ECI1: variants seen among roughly 807,000 people sequenced by gnomAD.
ECI1 encodes the protein enoyl-CoA delta isomerase 1, also known as enoyl-CoA delta isomerase 1, mitochondrial.
Under a neutral mutation model 34.2 loss-of-function variants are expected in ECI1, and 34 were observed. That is an observed-to-expected ratio of 1.00 (90% confidence interval 0.76 to 1.33). ECI1 has a LOEUF of 1.33. Among genes scored for constraint, ECI1 ranks in the 40% most tolerant of loss-of-function variants. ECI1 has a pLI of 0.00. For synonymous variants in ECI1, 211 were observed against 193.0 expected (o/e 1.09, Z -0.77); for missense variants, 456 against 422.2 (o/e 1.08, Z -0.70).
intron 4 of ECI1, 56 bp from the exon 5 acceptor site, chr16:2,243,495 A>T: frequency 6.2e-7 from 1 of 1,601,234 alleles, no homozygotes. Flanking sequence ...ACCACATTCC[A>T]GAGGGCCAGG....
intron 2 of ECI1, among the ~76,000 whole-genome samples, chr16:2,250,245 A>G (rs1156257284): frequency 8.2e-6 from 1 of 122,292 alleles, no homozygotes; most frequent in Non-Finnish European, 1.6e-5. Flanking sequence ...GCGACTGGAG[A>G]GCAAGACTAC....
chr16:2,251,290 G>C, intron 2 of ECI1, 26 bp downstream of exon 2: 4 of 1,081,500 alleles, frequency 3.7e-6, no homozygotes, highest in Non-Finnish European at 4.6e-6. Flanking sequence ...CCCCACGCCC[G>C]CCCTCCCTCG....
chr16:2,246,864 T>A lies in ECI1; in HGVS notation c.289A>T (p.Thr97Ser). 1 of 1,612,698 alleles carries A rather than the reference T, an allele frequency of 6.2e-7. No homozygotes were observed. The highest frequency in any genetic ancestry group is 8.5e-7 in the Non-Finnish European group (1 of 1,179,994). ...GGAGCTGAACTAGCACCTACCGAGGTCAGAATGACACCGCGGAAGCTCTTG... is the reference window on the plus strand; with the variant it reads ...GGAGCTGAACTAGCACCTACCGAGGACAGAATGACACCGCGGAAGCTCTTG... ...NDKSFRGVIL[T>S]SDRPGVFSAG... The change falls in exon 3 of 7, where the codon ACC becomes TCC. Residue 97 changes from threonine (T) to serine (S), a missense_variant. Thr to Ser is a moderately conservative substitution (Grantham distance 58). Coordinates refer to ENST00000301729, the MANE Select transcript of ECI1 (RefSeq NM_001919.4).
intron 4 of ECI1, among the ~76,000 whole-genome samples, chr16:2,243,760 G>A (rs1035187007): frequency 6.6e-6 from 1 of 152,222 alleles, no homozygotes. Flanking sequence ...TTTACTCAAT[G>A]CTAAAATGCC....
intron 2 of ECI1, among the ~76,000 whole-genome samples, chr16:2,248,078 T>C (rs2093544532): frequency 6.6e-6 from 1 of 152,158 alleles, no homozygotes; most frequent in Admixed American, 6.6e-5. Context: ...GCTTTTTAAA[T>C]CAACCATTCT....
chr16:2,245,335 G>C (rs1445095165), intron 3 of ECI1, among the ~76,000 whole-genome samples: 2 of 152,222 alleles, frequency 1.3e-5, no homozygotes, highest in Non-Finnish European at 2.9e-5. Context: ...AAGCAGAGCT[G>C]GGTGGATGTT....
rs1596781983 is a variant in ECI1, at chr16:2,240,040, T to C, written c.848A>G (p.Lys283Arg). ...DVQNFVSFISKDSIQKSLQMY... is the reference protein window; with the variant it reads ...DVQNFVSFISRDSIQKSLQMY... ...CTGCAGGGACTTCTGGATGGAGTCT[T>C]TGGAGATGAAGCTGACGAAGTTCTG... Residue 283 changes from lysine to arginine, a missense_variant, in exon 7 of 7, where the codon AAA becomes AGA. Lys to Arg is a conservative substitution (Grantham distance 26). Transcript: ENST00000301729. 6.2e-7 allele frequency: 1 copy of C among 1,613,706 alleles called. No homozygotes were observed. Among genetic ancestry groups the C allele is most frequent in the East Asian group, 2.2e-5 (1 of 44,876 alleles).
At chr16:2,246,484 C>T (rs1392726087) in intron 3 of ECI1, among the ~76,000 whole-genome samples, 2 of 152,186 alleles carry the variant, frequency 1.3e-5, no homozygotes, top group Admixed American at 1.3e-4. Context: ...GGACGACGGC[C>T]CGGGCAGGGA....
At chr16:2,242,784 A>C in intron 6 of ECI1, 1 of 522,312 alleles carries the variant, frequency 1.9e-6, no homozygotes, top group Non-Finnish European at 3.4e-6. Context: ...CGGGGCAGGA[A>C]GGAGCCTCCC....
In ECI1 at chr16:2,251,403, C is replaced by G. The variant is rs1182222840; in HGVS notation, c.79G>C (p.Gly27Arg). 2.2e-6 allele frequency: 3 copies of G among 1,343,264 alleles called. No homozygotes were observed. The African/African-American group carries it at 4.6e-5, about 20-fold the overall frequency. The allele number at this position is 1,343,264 out of a possible 1,614,324, so 83.2% of individuals were successfully genotyped here. Residue 27 changes from glycine (G) to arginine (R), a missense_variant, in exon 2 of 7, where the codon GGG becomes CGG. Coordinates refer to ENST00000301729, the MANE Select transcript of ECI1 (RefSeq NM_001919.4). ...CCGCCGGCCGCCCGCTCCGTCCGCCCGAGGGCCGCGCCCGGGAGCCGGGCC... is the reference window on the plus strand; with the variant it reads ...CCGCCGGCCGCCCGCTCCGTCCGCCGGAGGGCCGCGCCCGGGAGCCGGGCC... ...AGARLPGAAL[G>R]RTERAAGGGD...
intron 6 of ECI1, chr16:2,242,699 C>T (rs2093530474): frequency 2.9e-6 from 1 of 349,516 alleles, no homozygotes; most frequent in Non-Finnish European, 5.4e-6. Flanking sequence ...GGGGAGAAAG[C>T]TGCGTAAGGA....
At chr16:2,242,797 G>C (rs1027911742) in intron 6 of ECI1, 10 of 549,734 alleles carry the variant, frequency 1.8e-5, no homozygotes, top group South Asian at 1.2e-4. Flanking sequence ...AGCCTCCCTG[G>C]AACGCAGGGA....
At position 2,242,726 on chromosome 16, in the gene ECI1, A is replaced by G. The variant is rs902084028; in HGVS notation, c.742+320T>C. 54 of 442,612 alleles carry G rather than the reference A, an allele frequency of 1.2e-4. 1 individual carries two copies. In the South Asian group the frequency reaches 1.3e-3, roughly 10 times the overall value. The allele number at this position is 442,612 out of a possible 1,614,324, so 27.4% of individuals were successfully genotyped here. The stretch of plus-strand genomic sequence containing the variant: ...GCGTAAGGATGGAGGCAGAGATTAG[A>G]GCGAGGCGCCCACAAGCCCAGGGAG... On this transcript the variant is annotated intron_variant, in intron 6 of 6. Transcript: ENST00000301729.
chr16:2,249,833 G>A (rs1337473215), intron 2 of ECI1, among the ~76,000 whole-genome samples: 4 of 128,042 alleles, frequency 3.1e-5, no homozygotes, highest in African/African-American at 6.0e-5. Context: ...AGCGGAGATC[G>A]TGCCACTGCA....
intron 2 of ECI1, among the ~76,000 whole-genome samples, chr16:2,250,666 G>A (rs2093551213): frequency 6.6e-6 from 1 of 152,212 alleles, no homozygotes; most frequent in Non-Finnish European, 1.5e-5. Flanking sequence ...CCTTTCCAGT[G>A]GGTTTTACCA....
At chr16:2,248,262 A>G (rs2093545119) in intron 2 of ECI1, among the ~76,000 whole-genome samples, 1 of 151,472 alleles carries the variant, frequency 6.6e-6, no homozygotes, top group African/African-American at 2.4e-5. Context: ...ATGCCCAGCT[A>G]ATTTTTGTAT....
intron 6 of ECI1, among the ~76,000 whole-genome samples, chr16:2,241,457 C>T (rs190556848): frequency 1.3e-4 from 19 of 151,996 alleles, no homozygotes; most frequent in South Asian, 2.1e-4. Context: ...CCCCCACACC[C>T]GGCTAATTTT....
intron 2 of ECI1, 66 bp downstream of exon 2, chr16:2,251,250 C>G: frequency 2.5e-6 from 2 of 795,726 alleles, no homozygotes; most frequent in Non-Finnish European, 3.2e-6. Flanking sequence ...CCGACAGCAC[C>G]CCGCGAGCGC....
chr16:2,249,642 C>T (rs572940377), intron 2 of ECI1, among the ~76,000 whole-genome samples: 25 of 149,630 alleles, frequency 1.7e-4, no homozygotes, highest in East Asian at 4.0e-4. Context: ...GAGGCCGAGG[C>T]GGGTGGATCA....
Sources: allele counts gnomAD v4.1 joint callset (sites outside exome capture counted in the v4.1 genomes callset), GRCh38; gene constraint gnomAD v4.1.1; transcripts MANE v1.5; gene names NCBI Gene and HGNC (gene_info 2026-07-23, HGNC 2026-07-21).